Variants in ZBTB20 observed in about 807,000 individuals in gnomAD.
ZBTB20 encodes zinc finger and BTB domain containing 20.
A neutral mutation model predicts 56.9 loss-of-function variants in ZBTB20; 9 were observed. The observed-to-expected ratio is 0.16, with a 90% confidence interval of 0.10 to 0.28. The LOEUF (loss-of-function observed/expected upper bound fraction) is 0.28, where lower values mean the gene tolerates loss of function less well. Ranked by LOEUF, ZBTB20 falls within the 10% of genes least tolerant of loss-of-function variation. ZBTB20 has a pLI of 1.00. For synonymous variants in ZBTB20, 417 were observed against 420.7 expected, an observed-to-expected ratio of 0.99 and a Z score of 0.11; for missense variants, 655 against 1,003.0, an observed-to-expected ratio of 0.65 and a Z score of 4.69.
chr3:114,904,968 T>G (rs1298035037), intron 3 of ZBTB20, among the ~76,000 whole-genome samples: 2 of 151,952 alleles, frequency 1.3e-5, no homozygotes, highest in African/African-American at 4.8e-5. Context: ...TTACAAAAAC[T>G]GCAAAATTTG....
intron 5 of ZBTB20, among the ~76,000 whole-genome samples, chr3:114,716,171 T>C (rs2064467323): frequency 1.3e-5 from 2 of 152,214 alleles, no homozygotes; most frequent in Non-Finnish European, 2.9e-5. Flanking sequence ...AGCTCTGTTT[T>C]CAGTTTCTCC....
chr3:114,593,391 T>A (rs1466986111), intron 6 of ZBTB20, among the ~76,000 whole-genome samples: 1 of 145,344 alleles, frequency 6.9e-6, no homozygotes, highest in Non-Finnish European at 1.5e-5. Flanking sequence ...TTTCTTTTTT[T>A]TTTTTTTTTT....
chr3:114,470,877 T>G lies in ZBTB20; in HGVS notation c.-255+29475A>C, dbSNP rs144697264. 5.6e-3 allele frequency among the ~76,000 whole-genome samples: 860 copies of G among 152,302 alleles called. 11 individuals carry two copies. The highest frequency in any genetic ancestry group is 0.019 in the African/African-American group (784 of 41,560). On this transcript the variant is annotated intron_variant, in intron 7 of 11. Transcript: ENST00000675478. ...TCAGTATTACCTTACGACTCTAAAA[T>G]TCATCTTTGTCCAGTGTATAGAATT... is the stretch of plus-strand genomic sequence containing the variant.
At chr3:114,939,782 C>T (rs1442556356) in intron 3 of ZBTB20, among the ~76,000 whole-genome samples, 1 of 145,922 alleles carries the variant, frequency 6.9e-6, no homozygotes, top group African/African-American at 2.8e-5. Flanking sequence ...AGGAGGATTA[C>T]TCGATGAGCC....
intron 5 of ZBTB20, among the ~76,000 whole-genome samples, chr3:114,722,158 G>A (rs2064963852): frequency 6.6e-6 from 1 of 152,154 alleles, no homozygotes; most frequent in South Asian, 2.1e-4. Flanking sequence ...AAAAGAGTAT[G>A]ACCCAGAGTC....
At chr3:114,703,255 G>A (rs2063505059) in intron 5 of ZBTB20, among the ~76,000 whole-genome samples, 1 of 152,074 alleles carries the variant, frequency 6.6e-6, no homozygotes, top group Non-Finnish European at 1.5e-5. Flanking sequence ...AAGTTAGGAG[G>A]AACACGTATT....
intron 2 of ZBTB20, among the ~76,000 whole-genome samples, chr3:115,045,104 A>G (rs910085682): frequency 6.6e-5 from 10 of 152,202 alleles, no homozygotes; most frequent in Non-Finnish European, 1.0e-4. Context: ...TGTTAGCCTT[A>G]ATGAAGTATC....
intron 1 of ZBTB20, among the ~76,000 whole-genome samples, chr3:115,083,309 C>T (rs1194933440): frequency 6.6e-6 from 1 of 152,004 alleles, no homozygotes; most frequent in Non-Finnish European, 1.5e-5. Flanking sequence ...CTTCTCCTCA[C>T]AGCCTAGAGT....
At chr3:114,540,090 T>C (rs1471805143) in intron 6 of ZBTB20, among the ~76,000 whole-genome samples, 2 of 152,020 alleles carry the variant, frequency 1.3e-5, no homozygotes, top group Non-Finnish European at 2.9e-5. Flanking sequence ...AAGGCCCCAG[T>C]TTGTATTGTT....
chr3:115,088,369 A>C (rs569303135), intron 1 of ZBTB20, among the ~76,000 whole-genome samples: 8 of 151,996 alleles, frequency 5.3e-5, no homozygotes, highest in African/African-American at 1.4e-4. Flanking sequence ...TAAACTTGTA[A>C]GTCTGCTAAA....
intron 11 of ZBTB20, among the ~76,000 whole-genome samples, chr3:114,348,019 G>A (rs766744603): frequency 4.6e-5 from 7 of 152,030 alleles, no homozygotes; most frequent in South Asian, 2.1e-4. Flanking sequence ...TAGTTATCTC[G>A]GTTAACCACA....
At chr3:114,839,267 G>C (rs978637141) in intron 4 of ZBTB20, among the ~76,000 whole-genome samples, 2 of 151,954 alleles carry the variant, frequency 1.3e-5, no homozygotes, top group Admixed American at 1.3e-4. Flanking sequence ...TTGGTGTGTT[G>C]GTGTGCGCCT....
At chr3:115,016,984 G>C (rs193301141) in intron 2 of ZBTB20, among the ~76,000 whole-genome samples, 1 of 151,700 alleles carries the variant, frequency 6.6e-6, no homozygotes, top group African/African-American at 2.4e-5. Flanking sequence ...AGACAAGGAT[G>C]CCCTCTCTCA....
chr3:114,625,900 A>T (rs1368314810), intron 6 of ZBTB20, among the ~76,000 whole-genome samples: 1 of 152,216 alleles, frequency 6.6e-6, no homozygotes, highest in Non-Finnish European at 1.5e-5. Context: ...ATTGCTCTAT[A>T]AGTCAACTGA....
intron 6 of ZBTB20, among the ~76,000 whole-genome samples, chr3:114,539,027 T>G (rs2048804447): frequency 6.6e-6 from 1 of 152,142 alleles, no homozygotes; most frequent in African/African-American, 2.4e-5. Context: ...CCATGGTAAA[T>G]ATCCTGTTTA....
Position 114,322,770 on chromosome 3 carries a change from T to G in ZBTB20, c.*16235A>C, listed in dbSNP as rs1442971023. On this transcript the variant is annotated 3_prime_UTR_variant, in exon 12 of 12. Transcript: ENST00000675478. ...TTATGCTAGTTTGGATGGCTCTAAA[T>G]GGAGTTTTTCTGACTAACAAGGCTG... 3 of 152,208 alleles carry G rather than the reference T, an allele frequency of 2.0e-5. No homozygotes were observed. The highest frequency in any genetic ancestry group is 2.1e-4 in the South Asian group (1 of 4,832). The allele number at this position is 152,208 out of a possible 1,614,324, so 9.4% of individuals were successfully genotyped here.
At chr3:114,593,361 AT>A (rs1418491084) in intron 6 of ZBTB20, among the ~76,000 whole-genome samples, 1 of 148,674 alleles carries the variant, frequency 6.7e-6, no homozygotes, top group African/African-American at 2.5e-5. Context: ...AGAGGGAGAG[AT>A]TTTTTTGTTC....
intron 2 of ZBTB20, among the ~76,000 whole-genome samples, chr3:115,019,173 C>G (rs919272771): frequency 6.6e-6 from 1 of 151,204 alleles, no homozygotes; most frequent in Non-Finnish European, 1.5e-5. Flanking sequence ...GTTGTTGTTA[C>G]CCCTCTCTGT....
At chr3:114,410,117 C>A (rs1245792356) in intron 7 of ZBTB20, among the ~76,000 whole-genome samples, 1 of 152,052 alleles carries the variant, frequency 6.6e-6, no homozygotes. Flanking sequence ...CTGAGAAAGA[C>A]AAGGTCCATC....
Sources: gnomAD v4.1 joint callset for allele counts (sites outside exome capture counted in the v4.1 genomes callset) on GRCh38, gnomAD v4.1.1 for gene constraint, MANE v1.5 for transcripts, NCBI Gene and HGNC (gene_info 2026-07-23, HGNC 2026-07-21) for gene names.